The following CIITA variants were observed in gnomAD, a reference collection of about 807,000 sequenced individuals.
CIITA encodes the protein class II major histocompatibility complex transactivator.
In CIITA, 72 loss-of-function variants were observed where a neutral mutation model predicts 115.1. The observed-to-expected ratio is 0.63, with a 90% CI of 0.52 to 0.76. The LOEUF is 0.76. Ranked by LOEUF, CIITA falls within the 30% of genes least tolerant of loss-of-function variation. The probability of loss-of-function intolerance (pLI) is 0.00; values close to 1 mark genes in which losing one functional copy is unlikely to be tolerated. For synonymous variants in CIITA, 763 were observed against 635.6 expected (o/e 1.20, Z -3.02); for missense variants, 1,617 against 1,463.8 (o/e 1.10, Z -1.71).
rs1436470568 is a variant in CIITA, at chr16:10,909,197, G to A, written c.2816+10G>A. ...TTGTGCAGACTCAGAGGTGAGAGGA[G>A]AGGCGGATGGGAGGTGGTTCACGCC... On this transcript the variant is annotated intron_variant, in intron 12 of 19. Transcript: ENST00000324288. 6.2e-7 allele frequency: 1 copy of A among 1,614,024 alleles called. No homozygotes were observed. The highest frequency in any genetic ancestry group is 2.2e-5 in the East Asian group (1 of 44,892).
In CIITA at chr16:10,867,313, C is replaced by G. The variant is rs578231538; in HGVS notation, c.-21+994C>G. Among the ~76,000 whole-genome samples the G allele has an allele frequency of 2.8e-5, 3 of 106,136 alleles. No homozygotes were observed. The South Asian group carries it at 1.0e-3, about 36-fold the overall frequency. The allele number at this position is 106,136 out of a possible 152,430, so 69.6% of individuals were successfully genotyped here. ...GAGAAAAAGCTGAAAGCAGAGCCCA[C>G]TGTGTGTGTTGGGGGGGGGCATGTG... is the stretch of plus-strand genomic sequence containing the variant. On this transcript the variant is annotated intron_variant, in intron 1 of 5. Coordinates refer to the CIITA transcript ENST00000636238.
chr16:10,900,531 A>G (rs893611603), intron 5 of CIITA, among the ~76,000 whole-genome samples: 4 of 151,970 alleles, frequency 2.6e-5, no homozygotes, highest in Admixed American at 6.6e-5. Context: ...CCTGAGGTCA[A>G]GAGTTTGAGA....
chr16:10,892,741 T>G (rs2037723629), intron 1 of CIITA, among the ~76,000 whole-genome samples: 1 of 152,190 alleles, frequency 6.6e-6, no homozygotes, highest in Non-Finnish European at 1.5e-5. Context: ...AAGACCAGCG[T>G]GGCCAACATG....
intron 13 of CIITA, chr16:10,915,041 T>A (rs1161197673): frequency 2.2e-6 from 1 of 456,316 alleles, no homozygotes; most frequent in Non-Finnish European, 4.4e-6. Context: ...TACCTCTTTT[T>A]CTTTTCTTTT....
At chr16:10,884,477 C>T (rs1418674404) in intron 1 of CIITA, among the ~76,000 whole-genome samples, 1 of 152,196 alleles carries the variant, frequency 6.6e-6, no homozygotes, top group East Asian at 1.9e-4. Flanking sequence ...TGCAGTGGCA[C>T]AGTCATTGCT....
Position 10,901,294 on chromosome 16 carries a change from G to A in CIITA, c.437-220G>A, listed in dbSNP as rs562241985. The stretch of plus-strand genomic sequence containing the variant: ...CATGTTGTGTCCCCATTTGTGACTC[G>A]GCCTCTTCTGCTGCTACACTGCCTG... On this transcript the variant is annotated intron_variant, in intron 5 of 19. Coordinates refer to ENST00000324288, the MANE Select transcript of CIITA (RefSeq NM_000246.4). This position sits in a 1 kb window ranked among gnomAD's most constrained non-coding sequence, Gnocchi z 6.8. Among the ~76,000 whole-genome samples, 41 of 152,182 alleles carry A rather than the reference G, an allele frequency of 2.7e-4. No individual in the cohort carries two copies. Among genetic ancestry groups the A allele is most frequent in the African/African-American group, 8.7e-4 (36 of 41,516 alleles).
Position 10,942,238 on chromosome 16 carries a change from G to T in CIITA, n.1364G>T, listed in dbSNP as rs1359607796. The T allele has an allele frequency of 8.0e-6, 3 of 374,222 alleles. No individual in the cohort carries two copies. Among genetic ancestry groups the T allele is most frequent in the Non-Finnish European group, 1.4e-5 (3 of 209,702 alleles). The allele number at this position is 374,222 out of a possible 1,614,324, so 23.2% of individuals were successfully genotyped here. On this transcript the variant is annotated non_coding_transcript_exon_variant, in exon 2 of 2. Coordinates refer to the CIITA transcript ENST00000573379. The surrounding 1 kb of genome is among the most constrained non-coding windows in gnomAD (Gnocchi z 5.0). Reference sequence around the variant, plus strand: ...AGGATCTCTCGACCGCCCGGGCGGCGAGGCGGGCCCCCCTGAAGTGGCCCG... The same window carrying T: ...AGGATCTCTCGACCGCCCGGGCGGCTAGGCGGGCCCCCCTGAAGTGGCCCG...
At chr16:10,918,631 A>G in intron 16 of CIITA, 105 bp downstream of exon 16, 1 of 931,114 alleles carries the variant, frequency 1.1e-6, no homozygotes. Flanking sequence ...CCTAGAAGCA[A>G]TCACCACAGC....
chr16:10,882,538 G>T (rs1219324418), intron 1 of CIITA, among the ~76,000 whole-genome samples: 1 of 152,074 alleles, frequency 6.6e-6, no homozygotes, highest in Non-Finnish European at 1.5e-5. Flanking sequence ...AGACCAGCCT[G>T]GGCAACAGAG....
At chr16:10,895,203 C>T in intron 1 of CIITA, 79 bp from the exon 2 acceptor site, 2 of 1,550,786 alleles carry the variant, frequency 1.3e-6, no homozygotes, top group East Asian at 2.2e-5. Context: ...CCCTCACCAG[C>T]TGGGAGTTGT....
At chr16:10,878,821 G>T (rs1178968132) in intron 1 of CIITA, 1 of 230,858 alleles carries the variant, frequency 4.3e-6, no homozygotes, top group Non-Finnish European at 8.6e-6. Flanking sequence ...CAGTTGGGAT[G>T]CCACTTCTGA....
At chr16:10,873,212 G>C (rs865838716), upstream of CIITA, among the ~76,000 whole-genome samples, 1 of 152,124 alleles carries the variant, frequency 6.6e-6, no homozygotes, top group Non-Finnish European at 1.5e-5. Context: ...GGGCTCAAGC[G>C]ACATACCTGC....
chr16:10,868,939 G>A (rs1384331837), intron 1 of CIITA, among the ~76,000 whole-genome samples: 2 of 152,250 alleles, frequency 1.3e-5, no homozygotes, highest in South Asian at 2.1e-4. Context: ...CTCCAGGGCT[G>A]CCAGGCTTGA....
chr16:10,875,243 G>A (rs976307400), upstream of CIITA, among the ~76,000 whole-genome samples: 1 of 152,150 alleles, frequency 6.6e-6, no homozygotes, highest in African/African-American at 2.4e-5. Flanking sequence ...ACAGGCATGA[G>A]CCACTGTGCC....
At chr16:10,912,405 T>C (rs7199828) in intron 13 of CIITA, among the ~76,000 whole-genome samples, 109,712 of 152,236 alleles carry the variant, frequency 0.72, 40,047 homozygotes, top group South Asian at 0.79. Context: ...TAAGCCACCA[T>C]GCCCAGCTTA....
intron 7 of CIITA, 151 bp from the exon 8 acceptor site, chr16:10,902,507 A>T: frequency 1.0e-6 from 1 of 978,112 alleles, no homozygotes; most frequent in Non-Finnish European, 1.6e-6. Context: ...CTAGGTGCTA[A>T]GAATTCCATC....
intron 1 of CIITA, among the ~76,000 whole-genome samples, chr16:10,868,273 C>T (rs778804863): frequency 3.3e-5 from 5 of 152,178 alleles, no homozygotes; most frequent in South Asian, 2.1e-4. Flanking sequence ...CCAGGGGTGA[C>T]GCAACTTGCC....
chr16:10,903,299 G>A (rs1401115871), intron 8 of CIITA, among the ~76,000 whole-genome samples: 1 of 152,186 alleles, frequency 6.6e-6, no homozygotes, highest in East Asian at 1.9e-4. Flanking sequence ...TTGTCTCAGG[G>A]AAGGTGTGTT....
Position 10,909,185 on chromosome 16 carries a change from G to C in CIITA, c.2814G>C (p.Gln938His), listed in dbSNP as rs1468840528. Residue 938 changes from glutamine to histidine, a missense_variant and splice_region_variant, in exon 12 of 20, where the codon CAG becomes CAC. Coordinates refer to ENST00000324288, the MANE Select transcript of CIITA (RefSeq NM_000246.4). ...ACCTGGGAAAGCTTGTGCAGACTCA[G>C]AGGTGAGAGGAGAGGCGGATGGGAG... Reference protein sequence around the residue: ...VEDLGKLVQTQRTRSSSEDTA... With the variant: ...VEDLGKLVQTHRTRSSSEDTA... The C allele has an allele frequency of 6.2e-7, 1 of 1,614,076 alleles. No homozygotes were observed. Among genetic ancestry groups the C allele is most frequent in the East Asian group, 2.2e-5 (1 of 44,904 alleles).
Sources: gnomAD v4.1 joint callset for allele counts (sites outside exome capture counted in the v4.1 genomes callset) on GRCh38, gnomAD v4.1.1 for gene constraint, Gnocchi (gnomAD v3.1) non-coding constraint, MANE v1.5 for transcripts, NCBI Gene and HGNC (gene_info 2026-07-23, HGNC 2026-07-21) for gene names.